ADCY5: variants seen among roughly 807,000 people sequenced by gnomAD.
The protein encoded by ADCY5 is adenylate cyclase 5, also known as adenylate cyclase type 5.
A neutral mutation model predicts 119.7 loss-of-function variants in ADCY5; 30 were observed. That is an observed-to-expected ratio of 0.25 (90% confidence interval 0.19 to 0.34). ADCY5 has a LOEUF of 0.34. Ranked by LOEUF, ADCY5 falls within the 10% of genes least tolerant of loss-of-function variation. The probability of loss-of-function intolerance (pLI) is 1.00; values close to 1 mark genes in which losing one functional copy is unlikely to be tolerated. For missense variants in ADCY5, 1,324 were observed against 1,775.2 expected (o/e 0.75, Z 4.57); for synonymous variants, 753 against 762.2 (o/e 0.99, Z 0.20).
chr3:123,347,565 C>G (rs1481582709), intron 3 of ADCY5, among the ~76,000 whole-genome samples: 1 of 152,070 alleles, frequency 6.6e-6, no homozygotes, highest in Non-Finnish European at 1.5e-5. Context: ...CCTCACTGTC[C>G]CTCCCTCTCC....
intron 1 of ADCY5, among the ~76,000 whole-genome samples, chr3:123,374,515 A>G (rs1559845885): frequency 6.6e-6 from 1 of 152,228 alleles, no homozygotes; most frequent in Non-Finnish European, 1.5e-5. Flanking sequence ...CTCATTTTAC[A>G]GACAAAAAGA....
At chr3:123,345,033 C>G (rs1942464507) in intron 3 of ADCY5, among the ~76,000 whole-genome samples, 1 of 152,248 alleles carries the variant, frequency 6.6e-6, no homozygotes, top group Non-Finnish European at 1.5e-5. Context: ...TGGCAGGGGT[C>G]TGACATGCAG....
At chr3:123,373,928 C>T (rs912457117) in intron 1 of ADCY5, among the ~76,000 whole-genome samples, 7 of 152,118 alleles carry the variant, frequency 4.6e-5, no homozygotes, top group African/African-American at 1.7e-4. Context: ...TCCGCATATT[C>T]GATGGAGAAG....
At chr3:123,364,805 C>G (rs1334134807) in intron 1 of ADCY5, among the ~76,000 whole-genome samples, 1 of 152,130 alleles carries the variant, frequency 6.6e-6, no homozygotes, top group Admixed American at 6.5e-5. Flanking sequence ...CACCCAAAGA[C>G]AACCAGTATT....
intron 3 of ADCY5, among the ~76,000 whole-genome samples, chr3:123,346,639 C>CTG (rs1319929736): frequency 2.2e-5 from 3 of 135,084 alleles, no homozygotes; most frequent in African/African-American, 7.9e-5. Flanking sequence ...CTCTCTCTCT[C>CTG]TCTGTGTGTA....
intron 1 of ADCY5, among the ~76,000 whole-genome samples, chr3:123,384,866 G>A (rs1944165424): frequency 6.6e-6 from 1 of 152,144 alleles, no homozygotes; most frequent in African/African-American, 2.4e-5. Flanking sequence ...CCCTCGGCCC[G>A]GGAGAGGAAG....
chr3:123,317,125 T>C (rs1310621391), intron 11 of ADCY5, among the ~76,000 whole-genome samples: 1 of 152,150 alleles, frequency 6.6e-6, no homozygotes, highest in Non-Finnish European at 1.5e-5. Context: ...GACTCTAATG[T>C]GAATGACAAT....
At chr3:123,291,432 C>T in intron 17 of ADCY5, 56 bp from the exon 18 acceptor site, 1 of 1,558,700 alleles carries the variant, frequency 6.4e-7, no homozygotes, top group Non-Finnish European at 8.7e-7. Flanking sequence ...AGATGTCGGC[C>T]CCTCCACCTC....
intron 6 of ADCY5, among the ~76,000 whole-genome samples, chr3:123,328,244 C>T (rs550450619): frequency 2.6e-5 from 4 of 152,290 alleles, no homozygotes; most frequent in South Asian, 2.1e-4. Context: ...GTGTTCCCTC[C>T]GCCTAGCAGC....
chr3:123,447,683 C>T lies in ADCY5; in HGVS notation c.863G>A (p.Cys288Tyr). ...VGVILIMAVL[C>Y]NRAAFHQDHM... The stretch of plus-strand genomic sequence containing the variant: ...GTCCTGGTGGAAGGCGGCGCGGTTG[C>T]AAAGCACAGCCATGATGAGGATCAC... Residue 288 changes from cysteine (C) to tyrosine (Y), a missense_variant, in exon 1 of 21, where the codon TGC (cysteine) becomes TAC (tyrosine). Transcript: ENST00000462833. 1 of 1,605,962 alleles carries T rather than the reference C, an allele frequency of 6.2e-7. No individual in the cohort carries two copies. The highest frequency in any genetic ancestry group is 8.5e-7 in the Non-Finnish European group (1 of 1,175,684).
rs756962498 is a variant in ADCY5, at chr3:123,327,711, G to A, written c.1854C>T (p.Tyr618=). Residue 618 remains tyrosine, a synonymous_variant, in exon 7 of 21, where the codon TAC becomes TAT. Coordinates refer to ENST00000462833, the MANE Select transcript of ADCY5 (RefSeq NM_183357.3). The part of the protein sequence containing the change: ...KATLNYLNGD[Y]EVEPGCGGER... ...CGCCCCCACAGCCTGGCTCCACCTC[G>A]TAGTCCCCATTCAGGTAGTTGAGTG... 21 of 1,613,870 alleles carry A rather than the reference G, an allele frequency of 1.3e-5. No individual in the cohort carries two copies. Among genetic ancestry groups the A allele is most frequent in the African/African-American group, 6.7e-5 (5 of 74,886 alleles).
At chr3:123,403,148 G>A (rs560967465) in intron 1 of ADCY5, among the ~76,000 whole-genome samples, 306 of 152,088 alleles carry the variant, frequency 2.0e-3, no homozygotes, top group African/African-American at 7.1e-3. Flanking sequence ...GGGGGGCCGC[G>A]GCAGGCAGAT....
At chr3:123,334,477 C>A (rs1576588411) in intron 3 of ADCY5, among the ~76,000 whole-genome samples, 1 of 152,328 alleles carries the variant, frequency 6.6e-6, no homozygotes, top group East Asian at 1.9e-4. Flanking sequence ...TGGGCTCACA[C>A]CTGTAATCCC....
At chr3:123,290,594 G>A (rs1939086796) in intron 18 of ADCY5, among the ~76,000 whole-genome samples, 1 of 152,232 alleles carries the variant, frequency 6.6e-6, no homozygotes, top group Admixed American at 6.5e-5. Context: ...AGTATGAGAA[G>A]GAAATGAAGG....
intron 1 of ADCY5, among the ~76,000 whole-genome samples, chr3:123,373,767 C>T (rs532640286): frequency 7.6e-5 from 5 of 66,102 alleles, no homozygotes; most frequent in African/African-American, 1.5e-4. Context: ...CGCCCCCCCC[C>T]CCCCGACCCC....
intron 1 of ADCY5, among the ~76,000 whole-genome samples, chr3:123,431,882 A>C (rs899782688): frequency 5.9e-5 from 9 of 152,188 alleles, no homozygotes; most frequent in Admixed American, 2.6e-4. Flanking sequence ...CGGTGTCATC[A>C]CATGACCCCT....
At chr3:123,436,136 C>T (rs1349758022) in intron 1 of ADCY5, among the ~76,000 whole-genome samples, 3 of 151,640 alleles carry the variant, frequency 2.0e-5, no homozygotes, top group Non-Finnish European at 2.9e-5. Context: ...GTGATCCGCC[C>T]GCCTCAGCCT....
rs1256539445 is a variant in ADCY5, at chr3:123,312,694, T to C, written c.2442+1541A>G. Among the ~76,000 whole-genome samples, 2 of 152,236 alleles carry C rather than the reference T, an allele frequency of 1.3e-5. 1 individual carries two copies. Among genetic ancestry groups the C allele is most frequent in the African/African-American group, 4.8e-5 (2 of 41,446 alleles). On this transcript the variant is annotated intron_variant, in intron 12 of 20. Transcript: ENST00000462833. ...GGCTTCTTTCACTCAGCGTCATGTT[T>C]TCAAGGTCCTTCTATGTCGTAGCAT...
intron 1 of ADCY5, among the ~76,000 whole-genome samples, chr3:123,403,272 T>C (rs997429430): frequency 2.7e-5 from 4 of 150,090 alleles, no homozygotes; most frequent in African/African-American, 9.9e-5. Flanking sequence ...CTCAGCTACC[T>C]AGGAGGCTGA....
Sources: gnomAD v4.1 joint callset for allele counts (sites outside exome capture counted in the v4.1 genomes callset) on GRCh38, gnomAD v4.1.1 for gene constraint, MANE v1.5 for transcripts, NCBI Gene and HGNC (gene_info 2026-07-23, HGNC 2026-07-21) for gene names.